Variants in RGS7 observed in about 807,000 individuals in gnomAD.
RGS7 encodes the protein regulator of G-protein signaling 7.
In RGS7, 27 loss-of-function variants were observed where a neutral mutation model predicts 81.1. The ratio of observed to expected loss-of-function variants is 0.33; its 90% CI spans 0.25 to 0.46. RGS7 has a LOEUF of 0.46. Ranked by LOEUF, RGS7 falls within the 20% of genes least tolerant of loss-of-function variation. The pLI is 1.00. For missense variants in RGS7, 396 were observed against 607.4 expected, an observed-to-expected ratio of 0.65 and a Z score of 3.66; for synonymous variants, 208 against 207.7, an observed-to-expected ratio of 1.00 and a Z score of -0.01.
At chr1:241,266,831 A>G (rs2077615741) in intron 2 of RGS7, among the ~76,000 whole-genome samples, 1 of 66,026 alleles carries the variant, frequency 1.5e-5, no homozygotes, top group African/African-American at 6.3e-5. Flanking sequence ...CCTTTTGGAT[A>G]CAAAAATGTG....
rs1293051249 is a variant in RGS7 at position 241,126,276 on chromosome 1, A to AGCC, written c.79-27515_79-27514insGGC. Among the ~76,000 whole-genome samples the AGCC allele has an allele frequency of 6.5e-3, 986 of 151,982 alleles. 19 individuals carry two copies. The highest frequency in any genetic ancestry group is 0.06 in the East Asian group (309 of 5,168). ...GGAATTCTCCTGCCTCAGCCTCCTG[A>AGCC]GTAGCTGGGATTACAGGCATGCGCA... On this transcript the variant is annotated intron_variant, in intron 2 of 18. Coordinates refer to ENST00000440928, the MANE Select transcript of RGS7 (RefSeq NM_001364886.1).
chr1:240,896,593 T>C (rs555032900), intron 6 of RGS7, among the ~76,000 whole-genome samples: 174 of 152,316 alleles, frequency 1.1e-3, no homozygotes, highest in African/African-American at 4.0e-3. Flanking sequence ...CAGATGGTTG[T>C]AGATGTGTGG....
chr1:241,077,033 G>A (rs1018665653), intron 3 of RGS7, among the ~76,000 whole-genome samples: 1 of 152,100 alleles, frequency 6.6e-6, no homozygotes, highest in Non-Finnish European at 1.5e-5. Context: ...CCTCTCCCTG[G>A]TCAAAACAAA....
At chr1:240,872,245 A>T (rs1045227526) in intron 6 of RGS7, among the ~76,000 whole-genome samples, 4 of 152,210 alleles carry the variant, frequency 2.6e-5, no homozygotes, top group Non-Finnish European at 5.9e-5. Context: ...TCGAGGTCAA[A>T]TCAACTTAAG....
chr1:241,113,828 G>A (rs57404317), intron 2 of RGS7, among the ~76,000 whole-genome samples: 1 of 152,006 alleles, frequency 6.6e-6, no homozygotes, highest in African/African-American at 2.4e-5. Flanking sequence ...CTGAGATGAC[G>A]CTATTTCTAA....
intron 4 of RGS7, among the ~76,000 whole-genome samples, chr1:240,968,247 C>G (rs1196328480): frequency 6.6e-6 from 1 of 152,184 alleles, no homozygotes; most frequent in Non-Finnish European, 1.5e-5. Context: ...AGCCTCAGGC[C>G]TTTGAAAACC....
At chr1:241,109,873 G>A (rs767314831) in intron 2 of RGS7, among the ~76,000 whole-genome samples, 4 of 152,006 alleles carry the variant, frequency 2.6e-5, no homozygotes, top group African/African-American at 7.2e-5. Context: ...CAGGAGAATC[G>A]CTTGAACCCA....
intron 6 of RGS7, among the ~76,000 whole-genome samples, chr1:240,908,271 G>A (rs528880903): frequency 6.6e-5 from 10 of 151,772 alleles, no homozygotes; most frequent in Non-Finnish European, 7.4e-5. Context: ...TGGGTGCAGT[G>A]AACCAACATG....
chr1:241,320,088 G>A (rs543583101), intron 2 of RGS7, among the ~76,000 whole-genome samples: 30 of 152,178 alleles, frequency 2.0e-4, no homozygotes, highest in Middle Eastern at 3.4e-3. Context: ...GAGACTCCAC[G>A]TAAAGAAAAG....
chr1:241,269,625 A>G (rs2077765902), intron 2 of RGS7, among the ~76,000 whole-genome samples: 1 of 152,222 alleles, frequency 6.6e-6, no homozygotes, highest in Non-Finnish European at 1.5e-5. Flanking sequence ...AAGTCAGGAA[A>G]ATTGAAAAAG....
intron 3 of RGS7, among the ~76,000 whole-genome samples, chr1:241,081,211 C>T (rs1228307442): frequency 6.6e-6 from 1 of 152,162 alleles, no homozygotes; most frequent in East Asian, 1.9e-4. Context: ...CTCTTGATAA[C>T]TTTCTGTTCT....
chr1:240,934,483 G>T (rs561158061), intron 5 of RGS7, among the ~76,000 whole-genome samples: 5 of 152,228 alleles, frequency 3.3e-5, no homozygotes, highest in African/African-American at 1.2e-4. Flanking sequence ...TTCAAATATG[G>T]ACTGGTTAAT....
intron 2 of RGS7, among the ~76,000 whole-genome samples, chr1:241,219,032 C>T (rs1259078464): frequency 6.6e-6 from 1 of 152,142 alleles, no homozygotes; most frequent in Admixed American, 6.6e-5. Context: ...GGGAGTTTTG[C>T]AGTAGTTCAC....
chr1:241,206,471 C>A (rs569562114), intron 2 of RGS7, among the ~76,000 whole-genome samples: 1 of 152,208 alleles, frequency 6.6e-6, no homozygotes, highest in South Asian at 2.1e-4. Context: ...GATCTGCCCA[C>A]CTCAGCCTCC....
chr1:241,128,580 G>A (rs951824792), intron 2 of RGS7, among the ~76,000 whole-genome samples: 4 of 151,858 alleles, frequency 2.6e-5, no homozygotes, highest in South Asian at 2.1e-4. Context: ...ACGAGACTCC[G>A]TCTCAAAATA....
intron 2 of RGS7, among the ~76,000 whole-genome samples, chr1:241,240,961 C>T (rs2076232597): frequency 6.6e-6 from 1 of 152,144 alleles, no homozygotes; most frequent in Non-Finnish European, 1.5e-5. Context: ...CTGACAGCTG[C>T]TGCTGCTTCT....
At chr1:241,087,966 C>A (rs1558697631) in intron 3 of RGS7, among the ~76,000 whole-genome samples, 5 of 86,696 alleles carry the variant, frequency 5.8e-5, no homozygotes, top group African/African-American at 1.3e-4. Flanking sequence ...CTCTCTCTCT[C>A]TCTCTCTCTC....
rs150607367 is a variant in RGS7, at chr1:240,849,861, C to G, written c.609+18726G>C. On this transcript the variant is annotated intron_variant, in intron 9 of 18. Transcript: ENST00000440928. Reference sequence around the variant, plus strand: ...TATAAAGTATCCAGTTTCATGTATTCCTTTATAGCAATGCAAGAATGGTCG... The same window carrying G: ...TATAAAGTATCCAGTTTCATGTATTGCTTTATAGCAATGCAAGAATGGTCG... Among the ~76,000 whole-genome samples the G allele has an allele frequency of 8.5e-5, 13 of 152,266 alleles. No individual in the cohort carries two copies. In the East Asian group the frequency reaches 2.5e-3, roughly 29 times the overall value.
chr1:241,174,944 C>A lies in RGS7; in HGVS notation c.79-76182G>T, dbSNP rs374337562. On this transcript the variant is annotated intron_variant, in intron 2 of 18. Coordinates refer to ENST00000440928, the MANE Select transcript of RGS7 (RefSeq NM_001364886.1). Reference sequence around the variant, plus strand: ...TTGAGACGGAGTCCCGAACTGTCACCTGAGCTGGAGTGCAGTGGCGCAATC... The same window carrying A: ...TTGAGACGGAGTCCCGAACTGTCACATGAGCTGGAGTGCAGTGGCGCAATC... Among the ~76,000 whole-genome samples, 12 of 124,654 alleles carry A rather than the reference C, an allele frequency of 9.6e-5. No homozygotes were observed. In the East Asian group the frequency reaches 2.7e-3, roughly 28 times the overall value. The allele number at this position is 124,654 out of a possible 152,430, so 81.8% of individuals were successfully genotyped here.
Sources: allele counts gnomAD v4.1 joint callset (sites outside exome capture counted in the v4.1 genomes callset), GRCh38; gene constraint gnomAD v4.1.1; transcripts MANE v1.5; gene names NCBI Gene and HGNC (gene_info 2026-07-23, HGNC 2026-07-21).